Variants in ZNF483 observed in about 807,000 individuals in gnomAD.
ZNF483 encodes the protein zinc finger protein 483.
Under a neutral mutation model 28.6 loss-of-function variants are expected in ZNF483, and 9 were observed. The ratio of observed to expected loss-of-function variants is 0.32; its 90% CI spans 0.19 to 0.55. The LOEUF (loss-of-function observed/expected upper bound fraction) is 0.55, where lower values mean the gene tolerates loss of function less well. Ranked by LOEUF, ZNF483 falls within the 20% of genes least tolerant of loss-of-function variation. The pLI is 0.93. For synonymous variants in ZNF483, 322 were observed against 306.2 expected (o/e 1.05, Z -0.54); for missense variants, 675 against 871.7 (o/e 0.77, Z 2.84).
intron 5 of ZNF483, among the ~76,000 whole-genome samples, chr9:111,537,801 AT>A (rs1400649563): frequency 6.6e-6 from 1 of 151,892 alleles, no homozygotes; most frequent in Admixed American, 6.6e-5. Context: ...TAATTTTTGT[AT>A]TTTTTGTAGA....
intron 5 of ZNF483, chr9:111,563,524 G>C (rs74371644): frequency 5.8e-6 from 1 of 171,926 alleles, no homozygotes; most frequent in Non-Finnish European, 1.1e-5. Context: ...TTTTTTTTTT[G>C]AGACAGAGTC....
rs771955628 is a variant in ZNF483 at position 111,527,540 on chromosome 9, G to T, written c.145G>T (p.Glu49Ter). 1 of 1,614,240 alleles carries T rather than the reference G, an allele frequency of 6.2e-7. No homozygotes were observed. Among genetic ancestry groups the T allele is most frequent in the Admixed American group, 1.7e-5 (1 of 60,028 alleles). Residue 49 changes from glutamate (E) to a stop codon, truncating the protein, a stop_gained, in exon 2 of 6, where the codon GAG becomes TAG. Transcript: ENST00000309235. LOFTEE classifies it high-confidence loss of function. ...AILRGNAADA[E>*]SFRQRFRWFC... ...TTTAAGAGGAAATGCTGCTGATGCA[G>T]AGTCTTTCAGACAGAGGTTTAGGTG...
Position 111,546,943 on chromosome 9 carries a change from C to T in ZNF483, c.*3773C>T, listed in dbSNP as rs574251881. Among the ~76,000 whole-genome samples, 18 of 152,256 alleles carry T rather than the reference C, an allele frequency of 1.2e-4. No individual in the cohort carries two copies. Among genetic ancestry groups the T allele is most frequent in the African/African-American group, 4.3e-4 (18 of 41,572 alleles). ...TATGAATGGAATCATACAATATTTG[C>T]CCTGTTGTGTTTGGCTTATTCCACT... On this transcript the variant is annotated 3_prime_UTR_variant, in exon 6 of 6. Transcript: ENST00000309235.
chr9:111,540,986 G>A (rs1043345665), intron 5 of ZNF483, among the ~76,000 whole-genome samples: 1 of 152,038 alleles, frequency 6.6e-6, no homozygotes, highest in Non-Finnish European at 1.5e-5. Context: ...GTATTACACC[G>A]TGCTTGGTGC....
chr9:111,560,847 G>A (rs1287342255), intron 5 of ZNF483, among the ~76,000 whole-genome samples: 6 of 147,796 alleles, frequency 4.1e-5, no homozygotes, highest in Non-Finnish European at 7.4e-5. Context: ...GGGGGCTGAG[G>A]CAGGAGAATC....
At chr9:111,577,308 T>C (rs1439398497) in exon 6 of ZNF483, 1 of 152,026 alleles carries the variant, frequency 6.6e-6, no homozygotes, top group Non-Finnish European at 1.5e-5. Context: ...AGACAGACAA[T>C]AGCACGTGTT....
intron 5 of ZNF483, chr9:111,569,944 A>G: frequency 7.8e-7 from 1 of 1,286,086 alleles, no homozygotes. Context: ...AAAAGTAAGA[A>G]TATTTATACT....
chr9:111,537,728 G>A (rs1272227462), intron 5 of ZNF483, among the ~76,000 whole-genome samples: 2 of 152,166 alleles, frequency 1.3e-5, no homozygotes, highest in Non-Finnish European at 2.9e-5. Context: ...CTGGGCTGAA[G>A]CGATCCTCTC....
chr9:111,576,240 G>A, intron 5 of ZNF483: 1 of 879,978 alleles, frequency 1.1e-6, no homozygotes, highest in Non-Finnish European at 1.7e-6. Context: ...AAAAATATTT[G>A]CAAGCCATAT....
chr9:111,563,413 A>G, intron 5 of ZNF483: 4 of 523,072 alleles, frequency 7.6e-6, no homozygotes, highest in Non-Finnish European at 9.9e-6. Context: ...CAGTACATGT[A>G]AAAAAGATTA....
Position 111,547,773 on chromosome 9 carries a change from TTATGTTTAAGTC to T in ZNF483, c.*4605_*4616del, listed in dbSNP as rs1490111287. 6.6e-6 allele frequency among the ~76,000 whole-genome samples: 1 copy of T among 152,226 alleles called. No individual in the cohort carries two copies. Among genetic ancestry groups the T allele is most frequent in the East Asian group, 1.9e-4 (1 of 5,206 alleles). On this transcript the variant is annotated 3_prime_UTR_variant, in exon 6 of 6. Coordinates refer to ENST00000309235, the MANE Select transcript of ZNF483 (RefSeq NM_133464.5). ...TCTAGGAGTTTTATAGTTTCAGGTCTTATGTTTAAGTCTTTTAACCATTTTGATTTTTATGTA... is the reference window on the plus strand; with the variant it reads ...TCTAGGAGTTTTATAGTTTCAGGTCTTTTTAACCATTTTGATTTTTATGTA...
At chr9:111,538,378 A>G (rs1432791268) in intron 5 of ZNF483, among the ~76,000 whole-genome samples, 1 of 151,720 alleles carries the variant, frequency 6.6e-6, no homozygotes, top group Non-Finnish European at 1.5e-5. Flanking sequence ...AGCCAGGCAC[A>G]GTGGTGTGTG....
Position 111,548,750 on chromosome 9 carries a change from ATT to A in ZNF483, c.*5582_*5583del, listed in dbSNP as rs1380685293. Among the ~76,000 whole-genome samples, 1 of 150,586 alleles carries A rather than the reference ATT, an allele frequency of 6.6e-6. No individual in the cohort carries two copies. Among genetic ancestry groups the A allele is most frequent in the African/African-American group, 2.4e-5 (1 of 41,134 alleles). On this transcript the variant is annotated 3_prime_UTR_variant, in exon 6 of 6. Transcript: ENST00000309235. ...ATTTGACCTTTATTATGTTAAGGTA[ATT>A]TCCTTTTATTGATAAATTCTTGTTT... is the stretch of plus-strand genomic sequence containing the variant.
chr9:111,554,799 T>G lies in ZNF483; in HGVS notation c.*11629T>G, dbSNP rs1828073243. The stretch of plus-strand genomic sequence containing the variant: ...AACTGAAACCACGGAAAGTGAAACT[T>G]TGAATAAGGGGAGACCACTGTATTT... On this transcript the variant is annotated 3_prime_UTR_variant, in exon 6 of 6. Transcript: ENST00000309235. Among the ~76,000 whole-genome samples the G allele has an allele frequency of 6.6e-6, 1 of 152,152 alleles. No homozygotes were observed. The highest frequency in any genetic ancestry group is 1.5e-5 in the Non-Finnish European group (1 of 68,004).
intron 5 of ZNF483, among the ~76,000 whole-genome samples, 178 bp from the exon 6 acceptor site, chr9:111,541,479 C>G (rs1285722303): frequency 6.6e-6 from 1 of 152,144 alleles, no homozygotes; most frequent in East Asian, 1.9e-4. Context: ...TTTTTCTTAA[C>G]CCATGTGTTT....
rs1430059217 is a variant in ZNF483 at position 111,541,743 on chromosome 9, A to G, written c.808A>G (p.Ser270Gly). Reference protein sequence around the residue: ...LMEESQQYCGSSEEDHGNQGN... With the variant: ...LMEESQQYCGGSEEDHGNQGN... ...GGAAGAATCCCAGCAATATTGTGGC[A>G]GCTCAGAGGAGGATCACGGTAATCA... Residue 270 changes from serine to glycine, a missense_variant, in exon 6 of 6, where the codon AGC becomes GGC. Transcript: ENST00000309235. The G allele has an allele frequency of 6.2e-7, 1 of 1,614,092 alleles. No individual in the cohort carries two copies. The highest frequency in any genetic ancestry group is 8.5e-7 in the Non-Finnish European group (1 of 1,180,046).
chr9:111,526,451 T>C (rs992727462), intron 1 of ZNF483, among the ~76,000 whole-genome samples: 2 of 152,010 alleles, frequency 1.3e-5, no homozygotes, highest in Non-Finnish European at 2.9e-5. Context: ...ATTTTGCATG[T>C]TAGAAGGAAT....
At chr9:111,558,990 T>C (rs554462239), downstream of ZNF483, among the ~76,000 whole-genome samples, 1 of 152,198 alleles carries the variant, frequency 6.6e-6, no homozygotes, top group South Asian at 2.1e-4. Context: ...CCTCTCAAGC[T>C]CTGACATCCT....
chr9:111,546,837 C>T lies in ZNF483; in HGVS notation c.*3667C>T, dbSNP rs903923117. Among the ~76,000 whole-genome samples, 6 of 152,224 alleles carry T rather than the reference C, an allele frequency of 3.9e-5. No individual in the cohort carries two copies. Among genetic ancestry groups the T allele is most frequent in the Middle Eastern group, 3.4e-3 (1 of 294 alleles). On this transcript the variant is annotated 3_prime_UTR_variant, in exon 6 of 6. Transcript: ENST00000309235. The stretch of plus-strand genomic sequence containing the variant: ...ACTCTGTACTCCTTAAACAGTAACT[C>T]CCCATTTTCTCCTCCTCAGGCTCCT...
Sources: gnomAD v4.1 joint callset for allele counts (sites outside exome capture counted in the v4.1 genomes callset) on GRCh38, gnomAD v4.1.1 for gene constraint, MANE v1.5 for transcripts, NCBI Gene and HGNC (gene_info 2026-07-23, HGNC 2026-07-21) for gene names.